The following KLHL20 variants were observed in gnomAD, a reference collection of about 807,000 sequenced individuals.
KLHL20 encodes the protein kelch-like protein 20.
Under a neutral mutation model 69.5 loss-of-function variants are expected in KLHL20, and 29 were observed. The observed-to-expected ratio is 0.42, with a 90% CI of 0.31 to 0.57. KLHL20 has a LOEUF of 0.57. KLHL20 is among the 20% of genes least tolerant of loss of function. KLHL20 has a pLI of 0.18. For synonymous variants in KLHL20, 253 were observed against 265.2 expected, an observed-to-expected ratio of 0.95 and a Z score of 0.45; for missense variants, 419 against 776.0, an observed-to-expected ratio of 0.54 and a Z score of 5.47.
chr1:173,720,345 A>G (rs1200859506), intron 2 of KLHL20, among the ~76,000 whole-genome samples: 2 of 151,966 alleles, frequency 1.3e-5, no homozygotes, highest in African/African-American at 2.4e-5. Flanking sequence ...AAAAAAAGAT[A>G]AGAGAGAGTA....
chr1:173,786,112 G>A lies in KLHL20; in HGVS notation c.*865G>A, dbSNP rs997467252. On this transcript the variant is annotated 3_prime_UTR_variant, in exon 12 of 12. Transcript: ENST00000209884. ...CCTTATTGCTACCAAGGACCAGCAG[G>A]GAGAAATGTCTTCTCCCAGCAGTGA... 9.8e-5 allele frequency: 15 copies of A among 152,346 alleles called. No individual in the cohort carries two copies. Among genetic ancestry groups the A allele is most frequent in the African/African-American group, 2.9e-4 (12 of 41,422 alleles). 9.4% of individuals were successfully genotyped at this position (152,346 alleles called of 1,614,324 possible).
chr1:173,729,185 T>C (rs1401654800), intron 2 of KLHL20, among the ~76,000 whole-genome samples: 1 of 152,160 alleles, frequency 6.6e-6, no homozygotes, highest in Non-Finnish European at 1.5e-5. Flanking sequence ...AGAAGTTGAA[T>C]CTCTGAATAG....
At chr1:173,743,569 A>G (rs1672929730) in intron 3 of KLHL20, among the ~76,000 whole-genome samples, 1 of 151,496 alleles carries the variant, frequency 6.6e-6, no homozygotes, top group East Asian at 1.9e-4. Context: ...TTCTGTCTAC[A>G]TTCTGCTATA....
At chr1:173,730,569 A>G (rs1672219788) in intron 2 of KLHL20, among the ~76,000 whole-genome samples, 1 of 152,182 alleles carries the variant, frequency 6.6e-6, no homozygotes, top group Non-Finnish European at 1.5e-5. Flanking sequence ...AATGCCACAT[A>G]TCTACAACTA....
rs749219275 is a variant in KLHL20 at position 173,782,238 on chromosome 1, T to C, written c.1745+8T>C. On this transcript the variant is annotated splice_region_variant and intron_variant, in intron 11 of 11. Transcript: ENST00000209884. ...TGATGCCAATACATGGAGGTAACTT[T>C]TAAGCTGTGTAGCAAATCACCTCAC... 1 of 1,597,642 alleles carries C rather than the reference T, an allele frequency of 6.3e-7. No individual in the cohort carries two copies. Among genetic ancestry groups the C allele is most frequent in the Admixed American group, 1.7e-5 (1 of 59,972 alleles).
chr1:173,728,556 G>C (rs949148758), intron 2 of KLHL20, among the ~76,000 whole-genome samples: 1 of 152,174 alleles, frequency 6.6e-6, no homozygotes, highest in African/African-American at 2.4e-5. Flanking sequence ...TCAGACCACA[G>C]TGCAATCAAA....
chr1:173,753,420 C>A, intron 5 of KLHL20, 113 bp downstream of exon 5: 1 of 755,164 alleles, frequency 1.3e-6, no homozygotes, highest in African/African-American at 1.8e-5. Context: ...GAAACCAGGG[C>A]TTTAATTTAA....
rs12079910 is a variant in KLHL20, at chr1:173,719,116, G to A, written c.23+3050G>A. Among the ~76,000 whole-genome samples, 208 of 105,844 alleles carry A rather than the reference G, an allele frequency of 2.0e-3. 1 individual carries two copies. The highest frequency in any genetic ancestry group is 0.011 in the Middle Eastern group (2 of 186). The allele number at this position is 105,844 out of a possible 152,430, so 69.4% of individuals were successfully genotyped here. A position where few individuals can be genotyped will look rare whatever the true frequency, so the allele number is the denominator to read the frequency against. On this transcript the variant is annotated intron_variant, in intron 2 of 11. Transcript: ENST00000209884. ...CGGGACTCCGTCTCAAAAAAAAAAA[G>A]AAAAATTATTTTGTAAATTGTAACA...
At chr1:173,780,630 A>G (rs1240978006) in intron 10 of KLHL20, among the ~76,000 whole-genome samples, 2 of 152,198 alleles carry the variant, frequency 1.3e-5, no homozygotes. Flanking sequence ...TTTAAAAATT[A>G]TCCAGATGTA....
chr1:173,744,130 G>GT (rs1316658580), intron 3 of KLHL20, among the ~76,000 whole-genome samples: 1 of 152,074 alleles, frequency 6.6e-6, no homozygotes, highest in African/African-American at 2.4e-5. Context: ...GAGGATAAAT[G>GT]TTTGTCCACA....
At chr1:173,778,070 CT>C (rs1648590736) in intron 10 of KLHL20, among the ~76,000 whole-genome samples, 1 of 151,284 alleles carries the variant, frequency 6.6e-6, no homozygotes, top group Non-Finnish European at 1.5e-5. Context: ...ATTTTTTTTT[CT>C]TTTTTTTATT....
chr1:173,739,265 G>C (rs554234834), intron 3 of KLHL20, among the ~76,000 whole-genome samples: 73 of 152,160 alleles, frequency 4.8e-4, no homozygotes, highest in African/African-American at 1.6e-3. Flanking sequence ...TGGAGATGGG[G>C]CTTCACCGTT....
intron 8 of KLHL20, among the ~76,000 whole-genome samples, chr1:173,773,828 A>G (rs1396673120): frequency 6.6e-6 from 1 of 152,132 alleles, no homozygotes; most frequent in Non-Finnish European, 1.5e-5. Context: ...CCTGGCTAAC[A>G]TGGCGAAACC....
chr1:173,717,372 A>G (rs1212918432), intron 2 of KLHL20, among the ~76,000 whole-genome samples: 1 of 152,212 alleles, frequency 6.6e-6, no homozygotes, highest in African/African-American at 2.4e-5. Flanking sequence ...ATTCAGAATC[A>G]TGCTGGATAA....
intron 8 of KLHL20, among the ~76,000 whole-genome samples, chr1:173,769,200 G>C (rs547323005): frequency 6.6e-6 from 1 of 152,232 alleles, no homozygotes; most frequent in African/African-American, 2.4e-5. Flanking sequence ...CCAACTAAGT[G>C]CCAGAAGCAT....
intron 2 of KLHL20, among the ~76,000 whole-genome samples, chr1:173,730,044 C>T (rs1672182126): frequency 6.6e-6 from 1 of 152,092 alleles, no homozygotes; most frequent in Admixed American, 6.6e-5. Flanking sequence ...AATCAGTGTG[C>T]AAAAATCACA....
At chr1:173,752,357 A>G (rs1480882830) in intron 4 of KLHL20, among the ~76,000 whole-genome samples, 1 of 152,238 alleles carries the variant, frequency 6.6e-6, no homozygotes, top group Non-Finnish European at 1.5e-5. Flanking sequence ...AATCAAGGAA[A>G]TAAGTATTTA....
rs141325437 is a variant in KLHL20 at position 173,751,662 on chromosome 1, C to T, written c.598-102C>T. On this transcript the variant is annotated intron_variant, in intron 3 of 11. Coordinates refer to ENST00000209884, the MANE Select transcript of KLHL20 (RefSeq NM_014458.4). ...CCTCTGGTATCGTTTGAAACTTCAGCGCATTGTAGAATACAGCTTTGTCCC... is the reference window on the plus strand; with the variant it reads ...CCTCTGGTATCGTTTGAAACTTCAGTGCATTGTAGAATACAGCTTTGTCCC... 8,881 of 1,071,402 alleles carry T rather than the reference C, an allele frequency of 8.3e-3. 48 individuals are homozygous for T. The highest frequency in any genetic ancestry group is 0.032 in the Middle Eastern group (148 of 4,648). The allele number at this position is 1,071,402 out of a possible 1,614,324, so 66.4% of individuals were successfully genotyped here.
intron 2 of KLHL20, among the ~76,000 whole-genome samples, chr1:173,722,168 C>G (rs893005486): frequency 7.2e-5 from 11 of 152,108 alleles, no homozygotes; most frequent in African/African-American, 2.7e-4. Flanking sequence ...CCAAGCTGGT[C>G]TCAAACTCCT....
Sources: allele counts gnomAD v4.1 joint callset (sites outside exome capture counted in the v4.1 genomes callset), GRCh38; gene constraint gnomAD v4.1.1; transcripts MANE v1.5; gene names NCBI Gene and HGNC (gene_info 2026-07-23, HGNC 2026-07-21).